The following MAN1A1 variants were observed in gnomAD, a reference collection of about 807,000 sequenced individuals.
MAN1A1 encodes the protein mannosyl-oligosaccharide 1,2-alpha-mannosidase IA.
Under a neutral mutation model 70.8 loss-of-function variants are expected in MAN1A1, and 29 were observed. The ratio of observed to expected loss-of-function variants is 0.41; its 90% CI spans 0.31 to 0.56. The LOEUF is 0.56. MAN1A1 is among the 20% of genes least tolerant of loss of function. The pLI, the probability that MAN1A1 is intolerant of heterozygous loss-of-function variation, is 0.29. For synonymous variants in MAN1A1, 349 were observed against 330.1 expected, an observed-to-expected ratio of 1.06 and a Z score of -0.62; for missense variants, 747 against 841.3, an observed-to-expected ratio of 0.89 and a Z score of 1.39.
At chr6:119,217,454 TG>T (rs1774239257) in intron 6 of MAN1A1, among the ~76,000 whole-genome samples, 1 of 152,104 alleles carries the variant, frequency 6.6e-6, no homozygotes, top group African/African-American at 2.4e-5. Flanking sequence ...GCTAATTTTT[TG>T]TATTTTAGTG....
At chr6:119,303,591 C>T (rs939526342) in intron 3 of MAN1A1, among the ~76,000 whole-genome samples, 11 of 152,114 alleles carry the variant, frequency 7.2e-5, no homozygotes, top group Non-Finnish European at 1.2e-4. Context: ...TGAACATTTA[C>T]GTAACTGTAT....
intron 2 of MAN1A1, among the ~76,000 whole-genome samples, chr6:119,326,750 G>A (rs932843443): frequency 6.6e-6 from 1 of 152,182 alleles, no homozygotes; most frequent in Admixed American, 6.5e-5. Flanking sequence ...CAAGAGCACA[G>A]CATGGGGGAA....
intron 5 of MAN1A1, among the ~76,000 whole-genome samples, chr6:119,271,082 T>G (rs1450423963): frequency 6.6e-6 from 1 of 152,218 alleles, no homozygotes; most frequent in African/African-American, 2.4e-5. Context: ...TATACATATC[T>G]GGACTACCTA....
chr6:119,235,968 T>C (rs1774831042), intron 6 of MAN1A1, among the ~76,000 whole-genome samples: 1 of 151,872 alleles, frequency 6.6e-6, no homozygotes, highest in African/African-American at 2.4e-5. Flanking sequence ...CAAAACCCCA[T>C]CTCTACTAAA....
Position 119,290,603 on chromosome 6 carries a change from T to C in MAN1A1, c.897+80A>G, listed in dbSNP as rs1582773052. 17 of 905,022 alleles carry C rather than the reference T, an allele frequency of 1.9e-5. No homozygotes were observed. In the East Asian group the frequency reaches 4.0e-4, roughly 21 times the overall value. The allele number at this position is 905,022 out of a possible 1,614,324, so 56.1% of individuals were successfully genotyped here. A position where few individuals can be genotyped will look rare whatever the true frequency, so the allele number is the denominator to read the frequency against. ...ATTCCATAGATTCCTTCTAAATATA[T>C]GTCACGAATGGCATATTTTACCAAA... On this transcript the variant is annotated intron_variant, in intron 5 of 12. Transcript: ENST00000368468.
At chr6:119,281,026 A>C (rs1776212824) in intron 5 of MAN1A1, among the ~76,000 whole-genome samples, 1 of 152,246 alleles carries the variant, frequency 6.6e-6, no homozygotes, top group African/African-American at 2.4e-5. Flanking sequence ...TATAGAGGGC[A>C]GTATATGTCT....
At chr6:119,188,661 A>T (rs1299899518) in intron 10 of MAN1A1, 84 bp from the exon 11 acceptor site, 1 of 1,247,962 alleles carries the variant, frequency 8.0e-7, no homozygotes, top group Admixed American at 2.1e-5. Context: ...TAGAAAGTAC[A>T]GTCATCCCTC....
chr6:119,228,859 T>C (rs1318222046), intron 6 of MAN1A1, among the ~76,000 whole-genome samples: 1 of 152,182 alleles, frequency 6.6e-6, no homozygotes, highest in African/African-American at 2.4e-5. Context: ...CAAAACTTCA[T>C]ATGTGTAACT....
At chr6:119,260,121 T>C (rs552830375) in intron 5 of MAN1A1, among the ~76,000 whole-genome samples, 3 of 152,322 alleles carry the variant, frequency 2.0e-5, no homozygotes, top group Admixed American at 2.0e-4. Context: ...GGTTAGATAG[T>C]AAATATTTTA....
intron 5 of MAN1A1, among the ~76,000 whole-genome samples, chr6:119,265,778 A>G (rs1775736301): frequency 6.6e-6 from 1 of 152,154 alleles, no homozygotes; most frequent in Admixed American, 6.5e-5. Flanking sequence ...GATGTCCTAT[A>G]AGAAAAAATA....
intron 6 of MAN1A1, among the ~76,000 whole-genome samples, chr6:119,220,585 T>A (rs1434377487): frequency 6.6e-6 from 1 of 152,168 alleles, no homozygotes; most frequent in African/African-American, 2.4e-5. Flanking sequence ...GTAATTCAAT[T>A]AATCACCACA....
At chr6:119,288,199 T>G (rs1776430174) in intron 5 of MAN1A1, among the ~76,000 whole-genome samples, 2 of 152,092 alleles carry the variant, frequency 1.3e-5, no homozygotes, top group Non-Finnish European at 2.9e-5. Context: ...TTAACAATCT[T>G]GAGCTGATAT....
chr6:119,285,739 A>G lies in MAN1A1; in HGVS notation c.897+4944T>C, dbSNP rs1776356671. On this transcript the variant is annotated intron_variant, in intron 5 of 12. Coordinates refer to ENST00000368468, the MANE Select transcript of MAN1A1 (RefSeq NM_005907.4). Reference sequence around the variant, plus strand: ...CAGGATAAATGTGAGCTCAATTTTTATAATTTAGTATTTAGGCAGGATTTG... The same window carrying G: ...CAGGATAAATGTGAGCTCAATTTTTGTAATTTAGTATTTAGGCAGGATTTG... Among the ~76,000 whole-genome samples the G allele has an allele frequency of 2.0e-5, 3 of 151,912 alleles. No individual in the cohort carries two copies. In the South Asian group the frequency reaches 6.2e-4, roughly 32 times the overall value.
At position 119,190,696 on chromosome 6, in the gene MAN1A1, C is replaced by T. The variant is rs543259574; in HGVS notation, c.1327-813G>A. 4.0e-3 allele frequency among the ~76,000 whole-genome samples: 616 copies of T among 152,156 alleles called. 2 individuals are homozygous for T. Among genetic ancestry groups the T allele is most frequent in the Non-Finnish European group, 6.7e-3 (457 of 67,998 alleles). On this transcript the variant is annotated intron_variant, in intron 9 of 12. Transcript: ENST00000368468. ...TATATATTTTAAAAATCAGAAAAAT[C>T]TTTAAATTTGGGAGAAATGATAATG...
At chr6:119,212,136 G>A (rs971465933) in intron 6 of MAN1A1, among the ~76,000 whole-genome samples, 1 of 147,400 alleles carries the variant, frequency 6.8e-6, no homozygotes, top group East Asian at 1.9e-4. Flanking sequence ...CACTGTGCCC[G>A]GCCAATAGTA....
chr6:119,340,549 T>A (rs1773570088), intron 2 of MAN1A1, among the ~76,000 whole-genome samples: 1 of 152,210 alleles, frequency 6.6e-6, no homozygotes, highest in Non-Finnish European at 1.5e-5. Flanking sequence ...TTGGCCATAG[T>A]CATTCACAGG....
At chr6:119,229,223 AAAAAAC>A (rs1185232282) in intron 6 of MAN1A1, among the ~76,000 whole-genome samples, 138 of 152,110 alleles carry the variant, frequency 9.1e-4, no homozygotes, top group African/African-American at 3.2e-3. Context: ...ACAAAAAAAA[AAAAAAC>A]AAAAAATGCA....
intron 6 of MAN1A1, among the ~76,000 whole-genome samples, chr6:119,231,507 T>C (rs890371269): frequency 3.3e-5 from 5 of 152,092 alleles, no homozygotes; most frequent in Non-Finnish European, 5.9e-5. Context: ...CAGTCTTGGG[T>C]TTTTCTTCAT....
intron 8 of MAN1A1, among the ~76,000 whole-genome samples, chr6:119,197,453 C>T (rs1308184368): frequency 1.3e-5 from 2 of 152,122 alleles, no homozygotes; most frequent in Non-Finnish European, 1.5e-5. Context: ...GGTTACTACC[C>T]GCAAAAGCTT....
Sources: gnomAD v4.1 joint callset for allele counts (sites outside exome capture counted in the v4.1 genomes callset) on GRCh38, gnomAD v4.1.1 for gene constraint, MANE v1.5 for transcripts, NCBI Gene and HGNC (gene_info 2026-07-23, HGNC 2026-07-21) for gene names.